The following DMWD variants were observed in gnomAD, a reference collection of about 807,000 sequenced individuals.
The protein encoded by DMWD is DM1 locus, WD repeat containing, also known as dystrophia myotonica WD repeat-containing protein.
DMWD carries 19 observed loss-of-function variants against 45.8 expected under a neutral mutation model. The ratio of observed to expected loss-of-function variants is 0.41; its 90% confidence interval spans 0.29 to 0.61. The LOEUF (loss-of-function observed/expected upper bound fraction) is 0.61. Among genes scored for constraint, DMWD ranks in the 20% least tolerant of loss-of-function variants. The pLI, the probability that DMWD is intolerant of heterozygous loss-of-function variation, is 0.25. For synonymous variants in DMWD, 515 were observed against 440.5 expected (o/e 1.17, Z -2.12); for missense variants, 802 against 965.2 (o/e 0.83, Z 2.24).
At chr19:45,784,383 A>G in intron 4 of DMWD, 93 bp from the exon 5 acceptor site, 2 of 1,372,848 alleles carry the variant, frequency 1.5e-6, no homozygotes, top group Non-Finnish European at 2.0e-6. Flanking sequence ...GAGTCCCCAA[A>G]GCTGCTGCCA....
intron 1 of DMWD, 63 bp downstream of exon 1, chr19:45,792,253 C>T (rs1051744150): frequency 4.5e-6 from 7 of 1,553,734 alleles, no homozygotes; most frequent in Non-Finnish European, 6.1e-6. Context: ...GGGGACCCTC[C>T]TATCAGTTCT....
In DMWD at chr19:45,783,932, G is replaced by T; in HGVS notation, c.*311C>A. 1 of 545,954 alleles carries T rather than the reference G, an allele frequency of 1.8e-6. No homozygotes were observed. Among genetic ancestry groups the T allele is most frequent in the Non-Finnish European group, 3.2e-6 (1 of 312,958 alleles). The allele number at this position is 545,954 out of a possible 1,614,324, so 33.8% of individuals were successfully genotyped here. On this transcript the variant is annotated 3_prime_UTR_variant, in exon 5 of 5. Coordinates refer to ENST00000270223, the MANE Select transcript of DMWD (RefSeq NM_004943.2). ...GCAGACCTGGGGCTCTTGTGGCAGG[G>T]GCGGGGAGTCTCTCCCCAGGAGTGA...
At position 45,785,591 on chromosome 19, in the gene DMWD, C is replaced by G; in HGVS notation, c.1902+3G>C. 1 of 1,481,010 alleles carries G rather than the reference C, an allele frequency of 6.8e-7. No homozygotes were observed. Among genetic ancestry groups the G allele is most frequent in the Non-Finnish European group, 9.0e-7 (1 of 1,113,602 alleles). The allele number at this position is 1,481,010 out of a possible 1,614,324, so 91.7% of individuals were successfully genotyped here. A position where few individuals can be genotyped will look rare whatever the true frequency, so the allele number is the denominator to read the frequency against. On this transcript the variant is annotated splice_donor_region_variant and intron_variant, in intron 3 of 4. Transcript: ENST00000270223. ...CCCGGCAGGCTGGTGTGGGGCCACT[C>G]ACCGCCTTGCCCGGCCGGGCCCAGG...
chr19:45,790,871 C>T, intron 2 of DMWD, 34 bp downstream of exon 2: 1 of 1,578,378 alleles, frequency 6.3e-7, no homozygotes, highest in Non-Finnish European at 8.6e-7. Flanking sequence ...GGTGAGAAGG[C>T]AGAGAAGTTG....
intron 1 of DMWD, 57 bp downstream of exon 1, chr19:45,792,259 G>C (rs1273700605): frequency 2.6e-6 from 4 of 1,567,524 alleles, no homozygotes; most frequent in African/African-American, 1.4e-5. Flanking sequence ...CCTCCTATCA[G>C]TTCTCTGGAA....
Position 45,786,356 on chromosome 19 carries a change from G to C in DMWD, c.1140C>G (p.Thr380=), listed in dbSNP as rs746836020. Residue 380 remains threonine, a synonymous_variant, in exon 3 of 5, where the codon ACC becomes ACG. Coordinates refer to ENST00000270223, the MANE Select transcript of DMWD (RefSeq NM_004943.2). ...WVNAVAFDPY[T]TRAEEAATAA... ...CTGTCGCCGCCTCCTCTGCCCTTGT[G>C]GTGTAGGGGTCAAAGGCCACAGCGT... is the stretch of plus-strand genomic sequence containing the variant. 2 of 1,611,512 alleles carry C rather than the reference G, an allele frequency of 1.2e-6. No individual in the cohort carries two copies. Among genetic ancestry groups the C allele is most frequent in the Non-Finnish European group, 8.5e-7 (1 of 1,178,488 alleles).
intron 4 of DMWD, 102 bp from the exon 5 acceptor site, chr19:45,784,392 C>T: frequency 7.4e-7 from 1 of 1,346,430 alleles, no homozygotes; most frequent in Non-Finnish European, 1.0e-6. Flanking sequence ...AAGCTGCTGC[C>T]ACCCTGGCCT....
In DMWD at chr19:45,786,625, C is replaced by T. The variant is rs765259062; in HGVS notation, c.871G>A (p.Ala291Thr). 5.0e-6 allele frequency: 8 copies of T among 1,613,458 alleles called. No individual in the cohort carries two copies. The highest frequency in any genetic ancestry group is 6.8e-6 in the Non-Finnish European group (8 of 1,179,676). Reference protein sequence around the residue: ...AVGEGPLNEFAFSPDGRHLAC... With the variant: ...AVGEGPLNEFTFSPDGRHLAC... ...AGGTGCCGGCCATCGGGCGAGAAGG[C>T]GAACTCGTTGAGGGGCCCCTCACCC... is the stretch of plus-strand genomic sequence containing the variant. Residue 291 changes from alanine to threonine, a missense_variant, in exon 3 of 5, where the codon GCC (alanine) becomes ACC (threonine). Ala to Thr is a moderately conservative substitution (Grantham distance 58). This residue lies in a region of DMWD where 146 missense variants were observed against 212.8 expected (regional missense o/e 0.69). Coordinates refer to ENST00000270223, the MANE Select transcript of DMWD (RefSeq NM_004943.2).
At position 45,785,964 on chromosome 19, in the gene DMWD, G is replaced by A. The variant is rs765625836; in HGVS notation, c.1532C>T (p.Ala511Val). 3.2e-5 allele frequency: 50 copies of A among 1,580,372 alleles called. No individual in the cohort carries two copies. Among genetic ancestry groups the A allele is most frequent in the Admixed American group, 6.8e-5 (4 of 58,740 alleles). The change falls in exon 3 of 5, where the codon GCG (alanine) becomes GTG (valine). Residue 511 changes from alanine (A) to valine (V), a missense_variant. Physicochemically the swap from Ala to Val is moderately conservative, Grantham distance 64. Around this residue, in one of 9 missense-constraint regions of DMWD, gnomAD observed 303 missense variants for 332.9 expected, o/e 0.91. Transcript: ENST00000270223. Reference sequence around the variant, plus strand: ...GCTGAATGGTGTGCCAGGCTCTGCCGCCACACCCGGGCCGCCCGCCTTGCC... The same window carrying A: ...GCTGAATGGTGTGCCAGGCTCTGCCACCACACCCGGGCCGCCCGCCTTGCC... ...GGGKAGGPGV[A>V]AEPGTPFSIG...
chr19:45,792,230 C>T (rs973690863), intron 1 of DMWD, 86 bp downstream of exon 1: 2 of 1,491,896 alleles, frequency 1.3e-6, no homozygotes, highest in Non-Finnish European at 1.8e-6. Context: ...ATCTCAGGGC[C>T]CCATATCAAT....
rs374221560 is a variant in DMWD at position 45,790,873 on chromosome 19, G to A, written c.624+32C>T. On this transcript the variant is annotated intron_variant, in intron 2 of 4. Coordinates refer to ENST00000270223, the MANE Select transcript of DMWD (RefSeq NM_004943.2). ...CATATAGTGGGTAGGTGAGAAGGCA[G>A]AGAAGTTGGGGGCTCTGGGGGCTGC... is the stretch of plus-strand genomic sequence containing the variant. The A allele has an allele frequency of 9.5e-6, 15 of 1,580,362 alleles. No homozygotes were observed. In the African/African-American group the frequency reaches 1.6e-4, roughly 17 times the overall value.
In DMWD at chr19:45,786,741, G is replaced by A. The variant is rs549947011; in HGVS notation, c.755C>T (p.Pro252Leu). Residue 252 changes from proline to leucine, a missense_variant, in exon 3 of 5, where the codon CCC becomes CTC. Coordinates refer to ENST00000270223, the MANE Select transcript of DMWD (RefSeq NM_004943.2). Reference protein sequence around the residue: ...NVSHPCASAPPQYSLLKQGEG... With the variant: ...NVSHPCASAPLQYSLLKQGEG... ...GCCCTGCTTCAGCAGGCTGTACTGG[G>A]GCGGGGCCGAGGCGCAGGGGTGGCT... 6.2e-7 allele frequency: 1 copy of A among 1,614,082 alleles called. No individual in the cohort carries two copies. Among genetic ancestry groups the A allele is most frequent in the Admixed American group, 1.7e-5 (1 of 60,030 alleles).
At chr19:45,789,845 A>T (rs1001322390) in intron 2 of DMWD, 1 of 152,144 alleles carries the variant, frequency 6.6e-6, no homozygotes, top group Non-Finnish European at 1.5e-5. Context: ...GTGAAACCCC[A>T]TCTCTACCAA....
chr19:45,792,404 C>T lies in DMWD; in HGVS notation c.353G>A (p.Gly118Glu), dbSNP rs1261695568. The T allele has an allele frequency of 3.8e-6, 6 of 1,592,872 alleles. No homozygotes were observed. Among genetic ancestry groups the T allele is most frequent in the Non-Finnish European group, 5.1e-6 (6 of 1,170,534 alleles). The change falls in exon 1 of 5, where the codon GGG becomes GAG. Residue 118 changes from glycine to glutamate, a missense_variant. Physicochemically the swap from Gly to Glu is moderately conservative, Grantham distance 98. Around this residue, in one of 9 missense-constraint regions of DMWD, gnomAD observed 82 missense variants for 92.9 expected, o/e 0.88. Transcript: ENST00000270223. The part of the protein sequence containing the change: ...GAGEPPATPA[G>E]LGSGGDRVCF... Reference sequence around the variant, plus strand: ...GACGCGGTCTCCCCCCGAGCCCAGCCCCGCGGGCGTGGCGGGCGGCTCCCC... The same window carrying T: ...GACGCGGTCTCCCCCCGAGCCCAGCTCCGCGGGCGTGGCGGGCGGCTCCCC...
intron 2 of DMWD, 48 bp downstream of exon 2, chr19:45,790,857 G>C (rs766129834): frequency 2.6e-6 from 4 of 1,565,044 alleles, no homozygotes; most frequent in South Asian, 1.2e-5. Context: ...GCATATAGTG[G>C]GTAGGTGAGA....
intron 3 of DMWD, chr19:45,785,216 G>A (rs1970254203): frequency 9.7e-7 from 1 of 1,031,338 alleles, no homozygotes; most frequent in African/African-American, 1.7e-5. Context: ...CCCTAGTTTT[G>A]GCCTGAAGTA....
At position 45,792,244 on chromosome 19, in the gene DMWD, G is replaced by A. The variant is rs550084854; in HGVS notation, c.441+72C>T. On this transcript the variant is annotated intron_variant, in intron 1 of 4. Coordinates refer to ENST00000270223, the MANE Select transcript of DMWD (RefSeq NM_004943.2). Reference sequence around the variant, plus strand: ...TATCTCAGGGCCCCATATCAATTCGGGGACCCTCCTATCAGTTCTCTGGAA... The same window carrying A: ...TATCTCAGGGCCCCATATCAATTCGAGGACCCTCCTATCAGTTCTCTGGAA... The A allele has an allele frequency of 6.9e-5, 105 of 1,523,840 alleles. No individual in the cohort carries two copies. In the African/African-American group the frequency reaches 9.3e-4, roughly 14 times the overall value. The allele number at this position is 1,523,840 out of a possible 1,614,324, so 94.4% of individuals were successfully genotyped here.
rs760461902 is a variant in DMWD at position 45,785,546 on chromosome 19, A to T, written c.1902+48T>A. 3 of 1,433,926 alleles carry T rather than the reference A, an allele frequency of 2.1e-6. No individual in the cohort carries two copies. The Admixed American group carries it at 8.9e-5, about 43-fold the overall frequency. 88.8% of individuals were successfully genotyped at this position (1,433,926 alleles called of 1,614,324 possible). On this transcript the variant is annotated intron_variant, in intron 3 of 4. Transcript: ENST00000270223. The stretch of plus-strand genomic sequence containing the variant: ...TCTCTGCCAATGCCTGCCTCTTCCC[A>T]CGAAAGGTCCTGCCAGGTCCCCGGC...
chr19:45,792,503 G>A lies in DMWD; in HGVS notation c.254C>T (p.Pro85Leu). The A allele has an allele frequency of 8.7e-7, 1 of 1,155,066 alleles. No individual in the cohort carries two copies. Among genetic ancestry groups the A allele is most frequent in the Non-Finnish European group, 1.1e-6 (1 of 935,222 alleles). The allele number at this position is 1,155,066 out of a possible 1,614,324, so 71.6% of individuals were successfully genotyped here. Residue 85 changes from proline to leucine, a missense_variant, in exon 1 of 5, where the codon CCC becomes CTC. Around this residue, in one of 9 missense-constraint regions of DMWD, gnomAD observed 151 missense variants for 128.1 expected, o/e 1.18. Coordinates refer to ENST00000270223, the MANE Select transcript of DMWD (RefSeq NM_004943.2). ...GPASSPPPAG[P>L]GPGPALPAVR... ...GGCGGGCAGGGCGGGCCCGGGTCCGGGGCCTGCGGGCGGCGGGGACGACGC... is the reference window on the plus strand; with the variant it reads ...GGCGGGCAGGGCGGGCCCGGGTCCGAGGCCTGCGGGCGGCGGGGACGACGC...
Sources: allele counts gnomAD v4.1 joint callset, GRCh38; gene constraint gnomAD v4.1.1; regional missense constraint gnomAD v4.1.1; transcripts MANE v1.5; gene names NCBI Gene and HGNC (gene_info 2026-07-23, HGNC 2026-07-21).